FGF12: variants seen among roughly 807,000 people sequenced by gnomAD.
The protein encoded by FGF12 is fibroblast growth factor 12.
FGF12 carries 14 observed loss-of-function variants against 23.6 expected under a neutral mutation model. The observed-to-expected ratio is 0.59, with a 90% CI of 0.39 to 0.93. FGF12 has a LOEUF of 0.93. Ranked by LOEUF, FGF12 falls within the 40% of genes least tolerant of loss-of-function variation. FGF12 has a pLI of 0.00. For missense variants in FGF12, 175 were observed against 217.8 expected, an observed-to-expected ratio of 0.80 and a Z score of 1.24; for synonymous variants, 62 against 77.3, an observed-to-expected ratio of 0.80 and a Z score of 1.04.
At chr3:192,262,781 T>C (rs1187863987) in intron 4 of FGF12, among the ~76,000 whole-genome samples, 1 of 151,954 alleles carries the variant, frequency 6.6e-6, no homozygotes, top group African/African-American at 2.4e-5. Flanking sequence ...GACACGTGAC[T>C]GTAATTTTTT....
chr3:192,567,785 CTTTCT>C (rs1712395711), intron 2 of FGF12, among the ~76,000 whole-genome samples: 2 of 132,774 alleles, frequency 1.5e-5, no homozygotes, highest in South Asian at 5.2e-4. Flanking sequence ...TTCTTTCTTT[CTTTCT>C]TTCTTTCTTT....
intron 2 of FGF12, among the ~76,000 whole-genome samples, chr3:192,467,104 G>A (rs1272851952): frequency 6.6e-6 from 1 of 152,120 alleles, no homozygotes; most frequent in Non-Finnish European, 1.5e-5. Context: ...TTTAAAAGAA[G>A]ACGAATCTAG....
intron 2 of FGF12, among the ~76,000 whole-genome samples, chr3:192,434,965 A>G (rs764000284): frequency 6.6e-6 from 1 of 152,188 alleles, no homozygotes; most frequent in Non-Finnish European, 1.5e-5. Context: ...TAGCCATTGA[A>G]GGGTTTAAAG....
chr3:192,545,922 T>A (rs1027020322), intron 2 of FGF12, among the ~76,000 whole-genome samples: 14 of 152,156 alleles, frequency 9.2e-5, no homozygotes, highest in Non-Finnish European at 1.6e-4. Flanking sequence ...AGAAAAGTAG[T>A]CCAATCTGAC....
chr3:192,635,652 A>T (rs1715551936), intron 2 of FGF12, among the ~76,000 whole-genome samples: 1 of 152,198 alleles, frequency 6.6e-6, no homozygotes. Flanking sequence ...CAGTTATTTG[A>T]TATCACTTCA....
Position 192,193,568 on chromosome 3 carries a change from C to T in FGF12, c.229-22912G>A, listed in dbSNP as rs1315561205. On this transcript the variant is annotated intron_variant, in intron 4 of 5. Transcript: ENST00000445105. ...TGACATTCTCTTACCAAACATACCT[C>T]TTCTCTTGAAGATTAATGATTAGAG... is the stretch of plus-strand genomic sequence containing the variant. 2.0e-5 allele frequency among the ~76,000 whole-genome samples: 3 copies of T among 152,296 alleles called. No homozygotes were observed. The East Asian group carries it at 5.8e-4, about 29-fold the overall frequency.
intron 2 of FGF12, among the ~76,000 whole-genome samples, chr3:192,470,548 CT>C (rs1424703475): frequency 6.6e-6 from 1 of 152,112 alleles, no homozygotes; most frequent in African/African-American, 2.4e-5. Context: ...GCCACCACAC[CT>C]AGCTAATTTT....
chr3:192,383,211 T>C (rs1367981071), intron 2 of FGF12, among the ~76,000 whole-genome samples: 2 of 152,344 alleles, frequency 1.3e-5, no homozygotes, highest in East Asian at 1.9e-4. Flanking sequence ...CCAGAGTTTA[T>C]ACTTTTCTGA....
chr3:192,391,772 T>A (rs1720301630), intron 2 of FGF12, among the ~76,000 whole-genome samples: 1 of 152,214 alleles, frequency 6.6e-6, no homozygotes, highest in African/African-American at 2.4e-5. Context: ...AAGTGAGGAT[T>A]AGAAAAATTC....
At chr3:192,225,868 T>C (rs1398641031) in intron 4 of FGF12, among the ~76,000 whole-genome samples, 1 of 152,204 alleles carries the variant, frequency 6.6e-6, no homozygotes, top group Non-Finnish European at 1.5e-5. Flanking sequence ...CTACATATTG[T>C]ATGATTCTAC....
At chr3:192,594,417 A>T (rs1159218986) in intron 2 of FGF12, among the ~76,000 whole-genome samples, 1 of 151,902 alleles carries the variant, frequency 6.6e-6, no homozygotes, top group Non-Finnish European at 1.5e-5. Context: ...TTGTTAAGAA[A>T]AAATCACCCA....
intron 4 of FGF12, among the ~76,000 whole-genome samples, chr3:192,302,631 G>A (rs576565438): frequency 1.5e-4 from 23 of 152,162 alleles, no homozygotes; most frequent in Non-Finnish European, 3.1e-4. Flanking sequence ...CATTCAACGG[G>A]CTCAGAATGG....
chr3:192,606,438 G>T (rs1439600923), intron 2 of FGF12, among the ~76,000 whole-genome samples: 2 of 152,002 alleles, frequency 1.3e-5, no homozygotes. Context: ...TCAGTACTTG[G>T]GTGATGGGAT....
intron 2 of FGF12, among the ~76,000 whole-genome samples, chr3:192,672,586 T>C (rs529541187): frequency 6.6e-6 from 1 of 151,204 alleles, no homozygotes; most frequent in South Asian, 2.1e-4. Flanking sequence ...CAGTTGTTTA[T>C]CAAACCGTTG....
chr3:192,181,276 T>C (rs930626531), intron 4 of FGF12, among the ~76,000 whole-genome samples: 1 of 151,840 alleles, frequency 6.6e-6, no homozygotes, highest in Non-Finnish European at 1.5e-5. Flanking sequence ...TTCAAGTTAA[T>C]GACCACACCC....
At chr3:192,683,090 C>T (rs896860882) in intron 2 of FGF12, among the ~76,000 whole-genome samples, 5 of 152,204 alleles carry the variant, frequency 3.3e-5, no homozygotes, top group African/African-American at 1.2e-4. Context: ...TAATACTTTA[C>T]TGGGTTTTGT....
intron 2 of FGF12, among the ~76,000 whole-genome samples, chr3:192,405,813 A>T (rs928406609): frequency 6.6e-6 from 1 of 152,204 alleles, no homozygotes; most frequent in Non-Finnish European, 1.5e-5. Context: ...CAGATTAATT[A>T]TTTGGCTTTG....
chr3:192,294,863 G>C (rs1258652761), intron 4 of FGF12, among the ~76,000 whole-genome samples: 1 of 152,068 alleles, frequency 6.6e-6, no homozygotes, highest in Non-Finnish European at 1.5e-5. Flanking sequence ...TTAACACTAA[G>C]AGGGCTCCCT....
chr3:192,161,776 T>A (rs1165005889), intron 5 of FGF12, among the ~76,000 whole-genome samples: 1 of 152,146 alleles, frequency 6.6e-6, no homozygotes, highest in Non-Finnish European at 1.5e-5. Flanking sequence ...TCAAATGGAA[T>A]ATAAGGTAGT....
Sources: gnomAD v4.1 joint callset for allele counts (sites outside exome capture counted in the v4.1 genomes callset) on GRCh38, gnomAD v4.1.1 for gene constraint, MANE v1.5 for transcripts, NCBI Gene and HGNC (gene_info 2026-07-23, HGNC 2026-07-21) for gene names.